The following ISM1 variants were observed in gnomAD, a reference collection of about 807,000 sequenced individuals.
ISM1 encodes the protein isthmin 1.
A neutral mutation model predicts 46.3 loss-of-function variants in ISM1; 25 were observed. The ratio of observed to expected loss-of-function variants is 0.54; its 90% confidence interval spans 0.39 to 0.75. The LOEUF (loss-of-function observed/expected upper bound fraction) is 0.75, where lower values mean the gene tolerates loss of function less well. Among genes scored for constraint, ISM1 ranks in the 30% least tolerant of loss-of-function variants. The pLI is 0.00. For missense variants in ISM1, 536 were observed against 625.4 expected, an observed-to-expected ratio of 0.86 and a Z score of 1.52; for synonymous variants, 255 against 256.7, an observed-to-expected ratio of 0.99 and a Z score of 0.06.
intron 1 of ISM1, among the ~76,000 whole-genome samples, chr20:13,238,625 G>A (rs2039680935): frequency 6.6e-6 from 1 of 152,140 alleles, no homozygotes; most frequent in Non-Finnish European, 1.5e-5. Context: ...ATCAGAAAAT[G>A]AAGAATGTTA....
At chr20:13,232,399 A>G (rs1205848264) in intron 1 of ISM1, among the ~76,000 whole-genome samples, 1 of 152,272 alleles carries the variant, frequency 6.6e-6, no homozygotes, top group Non-Finnish European at 1.5e-5. Flanking sequence ...AGTGGAATAC[A>G]GAATGCATAG....
intron 2 of ISM1, among the ~76,000 whole-genome samples, chr20:13,279,211 A>G (rs1320306390): frequency 6.6e-6 from 1 of 152,200 alleles, no homozygotes; most frequent in Non-Finnish European, 1.5e-5. Flanking sequence ...GTTTTATTAT[A>G]ATATGATTAT....
At chr20:13,273,702 G>A (rs80147809) in intron 2 of ISM1, among the ~76,000 whole-genome samples, 5,718 of 152,228 alleles carry the variant, frequency 0.038, 321 homozygotes, top group African/African-American at 0.13. Context: ...GAATGTTATT[G>A]GCCAAATGGA....
At chr20:13,310,829 A>G in the ISM1 span, among the ~76,000 whole-genome samples, 1 of 152,230 alleles carries the variant, frequency 6.6e-6, no homozygotes. Context: ...CAATGTCACT[A>G]ACCGCAGGAA....
At chr20:13,234,269 C>T (rs917477959) in intron 1 of ISM1, among the ~76,000 whole-genome samples, 23 of 152,174 alleles carry the variant, frequency 1.5e-4, no homozygotes, top group Non-Finnish European at 2.9e-5. Context: ...CCGGTACCAG[C>T]CATGTTGCTG....
chr20:13,255,284 G>T (rs2039914623), intron 1 of ISM1, among the ~76,000 whole-genome samples: 1 of 152,144 alleles, frequency 6.6e-6, no homozygotes, highest in Non-Finnish European at 1.5e-5. Flanking sequence ...TGGATAAAAT[G>T]CTCTTTTTGT....
At chr20:13,253,452 G>A (rs947037915) in intron 1 of ISM1, among the ~76,000 whole-genome samples, 1 of 152,168 alleles carries the variant, frequency 6.6e-6, no homozygotes, top group Non-Finnish European at 1.5e-5. Flanking sequence ...TGAGAGCGCT[G>A]TGTTTCCTGG....
At chr20:13,228,650 A>G (rs911435660) in intron 1 of ISM1, among the ~76,000 whole-genome samples, 1 of 152,114 alleles carries the variant, frequency 6.6e-6, no homozygotes, top group Non-Finnish European at 1.5e-5. Context: ...AGTCCTGTTC[A>G]GCATATGGTG....
chr20:13,314,236 A>C, the ISM1 span, among the ~76,000 whole-genome samples: 2 of 152,168 alleles, frequency 1.3e-5, no homozygotes, highest in African/African-American at 4.8e-5. Context: ...ATTTCCCTCA[A>C]ATTAATGGCA....
chr20:13,231,373 A>C (rs2039586174), intron 1 of ISM1, among the ~76,000 whole-genome samples: 1 of 152,228 alleles, frequency 6.6e-6, no homozygotes, highest in African/African-American at 2.4e-5. Context: ...GATGGGCTGC[A>C]AAGGTCACGC....
intron 1 of ISM1, among the ~76,000 whole-genome samples, chr20:13,269,926 T>G (rs1169296172): frequency 6.7e-6 from 1 of 149,740 alleles, no homozygotes; most frequent in Non-Finnish European, 1.5e-5. Context: ...GATGGGTGTG[T>G]GGGTGGAAGG....
chr20:13,228,832 A>C (rs572810749), intron 1 of ISM1, among the ~76,000 whole-genome samples: 1 of 152,204 alleles, frequency 6.6e-6, no homozygotes, highest in African/African-American at 2.4e-5. Context: ...TTTTCTTCTC[A>C]TACTTTTATT....
chr20:13,273,794 A>C (rs973546932), intron 2 of ISM1, among the ~76,000 whole-genome samples: 1 of 152,182 alleles, frequency 6.6e-6, no homozygotes, highest in Non-Finnish European at 1.5e-5. Flanking sequence ...ATTTTTGCCT[A>C]CTGCCCAGTC....
At chr20:13,244,153 C>T (rs568735823) in intron 1 of ISM1, 1 of 152,248 alleles carries the variant, frequency 6.6e-6, no homozygotes, top group African/African-American at 2.4e-5. Flanking sequence ...ACAAGATAAA[C>T]CTAGGCAGAG....
chr20:13,305,819 G>A, the ISM1 span, among the ~76,000 whole-genome samples: 826 of 152,276 alleles, frequency 5.4e-3, 6 homozygotes, highest in Non-Finnish European at 8.4e-3. Context: ...AAAGAACAAA[G>A]TTTAAATGCA....
chr20:13,286,340 C>T (rs1002085827), intron 3 of ISM1, among the ~76,000 whole-genome samples: 1 of 131,880 alleles, frequency 7.6e-6, no homozygotes, highest in Admixed American at 7.5e-5. Context: ...GCAGCGACTG[C>T]TCCTACCTGA....
chr20:13,230,747 A>G (rs1482175362), intron 1 of ISM1, among the ~76,000 whole-genome samples: 5 of 149,364 alleles, frequency 3.3e-5, no homozygotes, highest in African/African-American at 7.3e-5. Flanking sequence ...TGTGTTGTAG[A>G]AAAAAAAAGA....
intron 5 of ISM1, among the ~76,000 whole-genome samples, chr20:13,293,653 A>C (rs986579961): frequency 1.3e-5 from 2 of 152,184 alleles, no homozygotes; most frequent in South Asian, 2.1e-4. Context: ...GAAAGTCTGG[A>C]GGAAAATAAT....
chr20:13,237,521 C>G lies in ISM1; in HGVS notation c.138+15607C>G, dbSNP rs562004473. On this transcript the variant is annotated intron_variant, in intron 1 of 5. Transcript: ENST00000262487. ...AAAGTTCAAAACCAGGAAAAAGGAA[C>G]CTGTGCTGTTGGAAGAGAGTTACCT... is the stretch of plus-strand genomic sequence containing the variant. Among the ~76,000 whole-genome samples the G allele has an allele frequency of 2.6e-5, 4 of 152,186 alleles. No individual in the cohort carries two copies. In the South Asian group the frequency reaches 8.3e-4, roughly 32 times the overall value.
Sources: allele counts gnomAD v4.1 joint callset (sites outside exome capture counted in the v4.1 genomes callset), GRCh38; gene constraint gnomAD v4.1.1; transcripts MANE v1.5; gene names NCBI Gene and HGNC (gene_info 2026-07-23, HGNC 2026-07-21).